The following PLEKHB2 variants were observed in gnomAD, a reference collection of about 807,000 sequenced individuals.
PLEKHB2 encodes the protein pleckstrin homology domain-containing family B member 2.
Under a neutral mutation model 36.5 loss-of-function variants are expected in PLEKHB2, and 31 were observed. The ratio of observed to expected loss-of-function variants is 0.85; its 90% CI spans 0.64 to 1.15. The LOEUF (loss-of-function observed/expected upper bound fraction) is 1.15, where lower values mean the gene tolerates loss of function less well. Ranked by LOEUF, PLEKHB2 falls within the 50% of genes most tolerant of loss-of-function variation. The pLI, the probability that PLEKHB2 is intolerant of heterozygous loss-of-function variation, is 0.00. For synonymous variants in PLEKHB2, 119 were observed against 112.0 expected (o/e 1.06, Z -0.39); for missense variants, 262 against 295.3 (o/e 0.89, Z 0.83).
intron 6 of PLEKHB2, among the ~76,000 whole-genome samples, chr2:131,139,888 C>CA (rs1698610391): frequency 6.6e-6 from 1 of 152,232 alleles, no homozygotes; most frequent in Admixed American, 6.5e-5. Flanking sequence ...GTTAACAGCA[C>CA]AGCTGAATTG....
chr2:131,140,512 A>G (rs1698681404), intron 7 of PLEKHB2, among the ~76,000 whole-genome samples: 1 of 151,760 alleles, frequency 6.6e-6, no homozygotes, highest in Non-Finnish European at 1.5e-5. Flanking sequence ...ATTAGTTCTC[A>G]GAGAATTTTG....
At chr2:131,126,290 G>A (rs1244753525) in intron 3 of PLEKHB2, among the ~76,000 whole-genome samples, 1 of 152,160 alleles carries the variant, frequency 6.6e-6, no homozygotes, top group Non-Finnish European at 1.5e-5. Flanking sequence ...CACTTTGGGA[G>A]GCCGAGGTGG....
At chr2:131,111,360 CTTTT>C (rs770158112) in intron 1 of PLEKHB2, among the ~76,000 whole-genome samples, 3 of 111,598 alleles carry the variant, frequency 2.7e-5, no homozygotes, top group Non-Finnish European at 3.7e-5. Context: ...ATCTCTTGGT[CTTTT>C]TTTTTTTTTT....
At chr2:131,112,091 C>T (rs576102593) in intron 1 of PLEKHB2, among the ~76,000 whole-genome samples, 6 of 152,272 alleles carry the variant, frequency 3.9e-5, no homozygotes, top group African/African-American at 1.4e-4. Flanking sequence ...AACACCTATG[C>T]GACTTTAGAG....
In PLEKHB2 at chr2:131,130,740, C is replaced by T; in HGVS notation, c.313C>T (p.Gln105Ter). The T allele has an allele frequency of 1.2e-6, 2 of 1,611,250 alleles. No homozygotes were observed. Among genetic ancestry groups the T allele is most frequent in the Non-Finnish European group, 1.7e-6 (2 of 1,177,720 alleles). The change falls in exon 5 of 8, where the codon CAA becomes TAA. Residue 105 changes from glutamine (Q) to a stop codon, truncating the protein, a stop_gained. Transcript: ENST00000693505. LOFTEE classifies it high-confidence loss of function. Reference protein sequence around the residue: ...DDCLAWKFTLQDSRTNTAYVG... With the variant: ...DDCLAWKFTL The stretch of plus-strand genomic sequence containing the variant: ...CTCCAGGGCCTGGAAATTTACACTC[C>T]AAGATTCTAGGACAAACACAGTAAG...
chr2:131,127,913 A>T (rs994816741), intron 4 of PLEKHB2, among the ~76,000 whole-genome samples: 3 of 152,164 alleles, frequency 2.0e-5, no homozygotes, highest in Non-Finnish European at 4.4e-5. Flanking sequence ...TTCTCCCAGG[A>T]CTCATCATTG....
chr2:131,143,313 A>G (rs72984304), intron 7 of PLEKHB2, among the ~76,000 whole-genome samples: 9 of 152,202 alleles, frequency 5.9e-5, no homozygotes, highest in Non-Finnish European at 1.0e-4. Context: ...GTTTTTTGGG[A>G]TATGATTTAA....
intron 5 of PLEKHB2, 130 bp downstream of exon 5, chr2:131,130,890 C>T: frequency 3.0e-6 from 2 of 657,198 alleles, no homozygotes; most frequent in Middle Eastern, 3.1e-4. Flanking sequence ...AAGTAGTCCT[C>T]CCACCTCAGC....
Position 131,108,983 on chromosome 2 carries a change from A to G in PLEKHB2, c.-9+3585A>G, listed in dbSNP as rs188022922. On this transcript the variant is annotated intron_variant, in intron 1 of 7. Transcript: ENST00000693505. ...TGTCCGATTGAGTCAGGATCTGAAC[A>G]TAGGTCTTTTAACTCTAAAGCTTAT... 3.7e-4 allele frequency among the ~76,000 whole-genome samples: 56 copies of G among 152,284 alleles called. No individual in the cohort carries two copies. The East Asian group carries it at 6.8e-3, about 18-fold the overall frequency.
In PLEKHB2 at chr2:131,140,226, C is replaced by T. The variant is rs753839914; in HGVS notation, c.483C>T (p.Tyr161=). ...GAYPPGTQVV[Y]AANGQAYAVP... is the part of the protein sequence containing the mutation. ...ACCCGCCAGGAACTCAAGTTGTCTA[C>T]GCTGCGAATGGGCAGGCGTATGCCG... Residue 161 remains tyrosine (Y), a synonymous_variant, in exon 7 of 8, where the codon TAC becomes TAT. Transcript: ENST00000693505. 22 of 1,613,468 alleles carry T rather than the reference C, an allele frequency of 1.4e-5. No homozygotes were observed. The highest frequency in any genetic ancestry group is 5.5e-5 in the South Asian group (5 of 91,082).
chr2:131,132,903 C>A lies in PLEKHB2; in HGVS notation c.335C>A (p.Ala112Glu), dbSNP rs375234542. The stretch of plus-strand genomic sequence containing the variant: ...CTCACCCTCTCCTGTCTCCCGCAGG[C>A]GTATGTGGGCTCTGCAGTCATGACC... ...FTLQDSRTNTAYVGSAVMTDE... is the reference protein window; with the variant it reads ...FTLQDSRTNTEYVGSAVMTDE... Residue 112 changes from alanine to glutamate, a missense_variant and splice_region_variant, in exon 6 of 8, where the codon GCG becomes GAG. By Grantham distance (107) the Ala-to-Glu change is moderately radical (BLOSUM62 -1). Transcript: ENST00000693505. 1 of 1,593,236 alleles carries A rather than the reference C, an allele frequency of 6.3e-7. No homozygotes were observed. The highest frequency in any genetic ancestry group is 8.6e-7 in the Non-Finnish European group (1 of 1,160,970).
At chr2:131,115,579 T>C (rs986695210) in intron 1 of PLEKHB2, among the ~76,000 whole-genome samples, 8 of 152,054 alleles carry the variant, frequency 5.3e-5, no homozygotes, top group African/African-American at 1.9e-4. Context: ...GGTCTCGATC[T>C]CTTGATCTCG....
Position 131,114,135 on chromosome 2 carries a change from C to T in PLEKHB2, c.-8-6799C>T, listed in dbSNP as rs72982485. ...TTTATGCCTTGTTTTCTCCTTAACT[C>T]TCATTTTAGTTGCATTTCAGGAGGG... On this transcript the variant is annotated intron_variant, in intron 1 of 7. Coordinates refer to ENST00000693505, the MANE Select transcript of PLEKHB2 (RefSeq NM_001100623.2). Among the ~76,000 whole-genome samples the T allele has an allele frequency of 7.4e-3, 1,124 of 152,186 alleles. 14 individuals are homozygous for T. Among genetic ancestry groups the T allele is most frequent in the African/African-American group, 0.025 (1,034 of 41,520 alleles).
chr2:131,135,976 A>T (rs113544371), intron 6 of PLEKHB2, among the ~76,000 whole-genome samples: 3,274 of 152,184 alleles, frequency 0.022, 121 homozygotes, highest in African/African-American at 0.074. Flanking sequence ...TTTAATTAGT[A>T]CTGAATTCAG....
intron 2 of PLEKHB2, among the ~76,000 whole-genome samples, chr2:131,123,295 G>A (rs1452878764): frequency 6.6e-6 from 1 of 152,196 alleles, no homozygotes; most frequent in Non-Finnish European, 1.5e-5. Flanking sequence ...TCACGGGGTT[G>A]TAGAGCAGCA....
chr2:131,130,788 A>ATT (rs750249915), intron 5 of PLEKHB2, 28 bp downstream of exon 5: 1,129 of 1,299,428 alleles, frequency 8.7e-4, no homozygotes, highest in Middle Eastern at 9.7e-4. Context: ...ATCACCAATA[A>ATT]TTTTTTTTTT....
At chr2:131,128,807 AAGAG>A (rs1283923462) in intron 4 of PLEKHB2, among the ~76,000 whole-genome samples, 1 of 152,220 alleles carries the variant, frequency 6.6e-6, no homozygotes, top group Non-Finnish European at 1.5e-5. Flanking sequence ...TACAACCCAA[AAGAG>A]AGAATTACAA....
In PLEKHB2 at chr2:131,126,534, C is replaced by G. The variant is rs1697124028; in HGVS notation, c.191-150C>G. ...TCTTGTCAGTCAGCCTAGCTATGTT[C>G]TTTCTGCATTCTTGGAAAGGCAGAG... On this transcript the variant is annotated intron_variant, in intron 3 of 7. Transcript: ENST00000693505. 3 of 640,218 alleles carry G rather than the reference C, an allele frequency of 4.7e-6. No homozygotes were observed. In the Admixed American group the frequency reaches 8.4e-5, roughly 18 times the overall value. The allele number at this position is 640,218 out of a possible 1,614,324, so 39.7% of individuals were successfully genotyped here. A position where few individuals can be genotyped will look rare whatever the true frequency, so the allele number is the denominator to read the frequency against.
At chr2:131,146,579 G>A (rs1573647681) in intron 7 of PLEKHB2, 58 bp from the exon 8 acceptor site, 30 of 1,540,070 alleles carry the variant, frequency 1.9e-5, no homozygotes, top group African/African-American at 1.9e-4. Flanking sequence ...GGTACTTTGC[G>A]TGATGTTAAA....
Sources: gnomAD v4.1 joint callset for allele counts (sites outside exome capture counted in the v4.1 genomes callset) on GRCh38, gnomAD v4.1.1 for gene constraint, MANE v1.5 for transcripts, NCBI Gene and HGNC (gene_info 2026-07-23, HGNC 2026-07-21) for gene names.